The following SCN8A variants were observed in gnomAD, a reference collection of about 807,000 sequenced individuals.
The protein encoded by SCN8A is sodium channel protein type 8 subunit alpha.
Under a neutral mutation model 184.1 loss-of-function variants are expected in SCN8A, and 30 were observed. The observed-to-expected ratio is 0.16, with a 90% CI of 0.12 to 0.22. The LOEUF is 0.22. Ranked by LOEUF, SCN8A falls within the 10% of genes least tolerant of loss-of-function variation. SCN8A has a pLI of 1.00. For missense variants in SCN8A, 1,057 were observed against 2,498.9 expected, an observed-to-expected ratio of 0.42 and a Z score of 12.30; for synonymous variants, 852 against 907.0, an observed-to-expected ratio of 0.94 and a Z score of 1.09.
chr12:51,714,420 A>G (rs1427660097), intron 11 of SCN8A, among the ~76,000 whole-genome samples: 1 of 152,198 alleles, frequency 6.6e-6, no homozygotes, highest in Non-Finnish European at 1.5e-5. Flanking sequence ...AACTATATTT[A>G]TTATTACCAC....
At chr12:51,714,572 A>G (rs1941935103) in intron 11 of SCN8A, among the ~76,000 whole-genome samples, 1 of 152,120 alleles carries the variant, frequency 6.6e-6, no homozygotes, top group African/African-American at 2.4e-5. Context: ...AGCCTTCCTT[A>G]AAAGGTCTCA....
chr12:51,675,211 C>T (rs1405612451), intron 2 of SCN8A, among the ~76,000 whole-genome samples: 1 of 152,202 alleles, frequency 6.6e-6, no homozygotes, highest in Non-Finnish European at 1.5e-5. Flanking sequence ...TGGGAAGCAG[C>T]ATTGTGCTGG....
chr12:51,721,791 G>A lies in SCN8A; in HGVS notation c.1881G>A (p.Ser627=). Residue 627 remains serine (S), a synonymous_variant, in exon 12 of 27, where the codon TCG becomes TCA. Coordinates refer to ENST00000627620, the MANE Select transcript of SCN8A (RefSeq NM_001330260.2). ...YSGYSQGSRS[S]RIFPSLRRSV... ...GCTACAGCCAGGGCAGCCGCTCCTC[G>A]CGCATCTTCCCCAGCCTGCGGCGCA... The A allele has an allele frequency of 6.2e-7, 1 of 1,610,290 alleles. No individual in the cohort carries two copies. Among genetic ancestry groups the A allele is most frequent in the Non-Finnish European group, 8.5e-7 (1 of 1,179,246 alleles).
At chr12:51,703,795 G>C (rs1941731678) in intron 9 of SCN8A, among the ~76,000 whole-genome samples, 1 of 152,202 alleles carries the variant, frequency 6.6e-6, no homozygotes, top group Admixed American at 6.5e-5. Flanking sequence ...CCCTCTTTAA[G>C]GGAAGTTTCT....
At chr12:51,794,073 G>A (rs577762966) in intron 25 of SCN8A, among the ~76,000 whole-genome samples, 3 of 150,286 alleles carry the variant, frequency 2.0e-5, no homozygotes, top group Admixed American at 2.0e-4. Flanking sequence ...TTGAACCTAG[G>A]AGGCAGAGGC....
intron 1 of SCN8A, among the ~76,000 whole-genome samples, chr12:51,619,154 A>T (rs1338418050): frequency 6.6e-6 from 1 of 152,232 alleles, no homozygotes; most frequent in South Asian, 2.1e-4. Context: ...ACTATTATAT[A>T]CCTTACTTTT....
At chr12:51,652,106 C>T (rs1157653793) in intron 1 of SCN8A, among the ~76,000 whole-genome samples, 1 of 151,994 alleles carries the variant, frequency 6.6e-6, no homozygotes, top group African/African-American at 2.4e-5. Context: ...GGTACCAAAG[C>T]ACCTCAGACT....
intron 18 of SCN8A, 107 bp from the exon 19 acceptor site, chr12:51,770,422 G>A (rs1218469848): frequency 8.1e-7 from 1 of 1,237,936 alleles, no homozygotes; most frequent in South Asian, 1.6e-5. Context: ...CTGTCCTCCT[G>A]GCTGTGTGGT....
At chr12:51,725,916 G>C (rs972950479) in intron 12 of SCN8A, among the ~76,000 whole-genome samples, 1 of 152,188 alleles carries the variant, frequency 6.6e-6, no homozygotes, top group Non-Finnish European at 1.5e-5. Context: ...CAATTAGAAT[G>C]CATCCAGTTG....
intron 1 of SCN8A, among the ~76,000 whole-genome samples, chr12:51,635,493 A>C (rs552646132): frequency 6.6e-6 from 1 of 152,138 alleles, no homozygotes; most frequent in South Asian, 2.1e-4. Flanking sequence ...GAATGAATGA[A>C]CGAAAGGTCA....
chr12:51,661,193 A>G (rs1940918494), intron 1 of SCN8A, among the ~76,000 whole-genome samples: 1 of 152,134 alleles, frequency 6.6e-6, no homozygotes, highest in South Asian at 2.1e-4. Context: ...ACCTTTCCTC[A>G]TCTAAAATCA....
At chr12:51,642,483 CA>C (rs1940477108) in intron 1 of SCN8A, among the ~76,000 whole-genome samples, 1 of 152,158 alleles carries the variant, frequency 6.6e-6, no homozygotes, top group Admixed American at 6.5e-5. Context: ...GTCACTCTGT[CA>C]GCTCAATCTC....
At chr12:51,682,436 C>T (rs1941350848) in intron 2 of SCN8A, among the ~76,000 whole-genome samples, 1 of 152,056 alleles carries the variant, frequency 6.6e-6, no homozygotes. Flanking sequence ...GTCCTGGGCT[C>T]TTCTTTGTGG....
At position 51,807,478 on chromosome 12, in the gene SCN8A, A is replaced by AGAT. The variant is rs1300718444; in HGVS notation, c.*50_*52dup. On this transcript the variant is annotated 3_prime_UTR_variant, in exon 27 of 27. Coordinates refer to ENST00000627620, the MANE Select transcript of SCN8A (RefSeq NM_001330260.2). The surrounding 1 kb of genome is among the most constrained non-coding windows in gnomAD (Gnocchi z 4.5). ...TACAGATCTAAAACTCGCAAGTGAA[A>AGAT]GATTGTTTACAAACTTCCTGAATAT... The AGAT allele has an allele frequency of 1.9e-6, 3 of 1,538,898 alleles. No individual in the cohort carries two copies. The highest frequency in any genetic ancestry group is 2.6e-6 in the Non-Finnish European group (3 of 1,132,526).
intron 11 of SCN8A, among the ~76,000 whole-genome samples, chr12:51,715,088 A>G (rs551082116): frequency 5.3e-5 from 8 of 152,334 alleles, no homozygotes; most frequent in African/African-American, 1.9e-4. Context: ...GGAATGCCCT[A>G]AATCAGGATT....
chr12:51,663,598 G>C (rs943525263), intron 2 of SCN8A, among the ~76,000 whole-genome samples: 2 of 152,138 alleles, frequency 1.3e-5, no homozygotes, highest in Admixed American at 1.3e-4. Flanking sequence ...ACAGACCCAG[G>C]TCATTGGCCC....
At chr12:51,706,081 G>T (rs756593667) in intron 10 of SCN8A, among the ~76,000 whole-genome samples, 3 of 152,128 alleles carry the variant, frequency 2.0e-5, no homozygotes, top group Non-Finnish European at 2.9e-5. Flanking sequence ...TTATCTAAAT[G>T]TACATGTATT....
At chr12:51,713,611 A>G in intron 11 of SCN8A, 2 of 644,726 alleles carry the variant, frequency 3.1e-6, no homozygotes, top group Non-Finnish European at 5.5e-6. Flanking sequence ...CTCCATTTTG[A>G]GCCTGAGTTC....
At chr12:51,647,954 C>T (rs560463868) in intron 1 of SCN8A, among the ~76,000 whole-genome samples, 1 of 152,282 alleles carries the variant, frequency 6.6e-6, no homozygotes, top group South Asian at 2.1e-4. Flanking sequence ...AGCTATAGTT[C>T]TGTACCAAGC....
Sources: allele counts gnomAD v4.1 joint callset (sites outside exome capture counted in the v4.1 genomes callset), GRCh38; gene constraint gnomAD v4.1.1; non-coding constraint Gnocchi (gnomAD v3.1); transcripts MANE v1.5; gene names NCBI Gene and HGNC (gene_info 2026-07-23, HGNC 2026-07-21).